LEPROTL1: variants seen among roughly 807,000 people sequenced by gnomAD.
The protein encoded by LEPROTL1 is leptin receptor overlapping transcript like 1.
A neutral mutation model predicts 15.4 loss-of-function variants in LEPROTL1; 6 were observed. That is an observed-to-expected ratio of 0.39 (90% CI 0.21 to 0.77). LEPROTL1 has a LOEUF of 0.77. Among genes scored for constraint, LEPROTL1 ranks in the 30% least tolerant of loss-of-function variants. LEPROTL1 has a pLI of 0.41. For synonymous variants in LEPROTL1, 56 were observed against 52.6 expected (o/e 1.06, Z -0.28); for missense variants, 128 against 158.1 (o/e 0.81, Z 1.02).
In LEPROTL1 at chr8:30,118,074, C is replaced by A. The variant is rs144222241; in HGVS notation, c.279+13588C>A. On this transcript the variant is annotated intron_variant, in intron 3 of 4. Coordinates refer to the LEPROTL1 transcript ENST00000442880. ...GAGTCTCGCTCTGTCTTCCAGGCTGCAGAGCAGTGGCAGAATCTTGGCTCA... is the reference window on the plus strand; with the variant it reads ...GAGTCTCGCTCTGTCTTCCAGGCTGAAGAGCAGTGGCAGAATCTTGGCTCA... Among the ~76,000 whole-genome samples, 11 of 127,638 alleles carry A rather than the reference C, an allele frequency of 8.6e-5. No individual in the cohort carries two copies. In the East Asian group the frequency reaches 2.7e-3, roughly 31 times the overall value. The allele number at this position is 127,638 out of a possible 152,430, so 83.7% of individuals were successfully genotyped here.
At chr8:30,132,955 C>G (rs1439696317) in intron 4 of LEPROTL1, 10 of 1,462,864 alleles carry the variant, frequency 6.8e-6, no homozygotes, top group South Asian at 1.5e-5. Context: ...TATTTATTCT[C>G]TCTCTCTTAT....
chr8:30,099,333 C>A (rs1310851225), intron 1 of LEPROTL1, among the ~76,000 whole-genome samples: 1 of 151,996 alleles, frequency 6.6e-6, no homozygotes, highest in Non-Finnish European at 1.5e-5. Flanking sequence ...GTGGCTCACG[C>A]CTATAATCCC....
chr8:30,131,186 G>T (rs1803003872), intron 3 of LEPROTL1, among the ~76,000 whole-genome samples: 1 of 151,204 alleles, frequency 6.6e-6, no homozygotes. Flanking sequence ...CAAACTCCTG[G>T]GCTCAAGAGA....
At chr8:30,123,918 C>T (rs558184963) in intron 3 of LEPROTL1, among the ~76,000 whole-genome samples, 2 of 151,372 alleles carry the variant, frequency 1.3e-5, no homozygotes, top group East Asian at 1.9e-4. Context: ...TCCACAGAGA[C>T]CTGGGTAAGA....
At chr8:30,114,198 G>A (rs1283870763) in intron 3 of LEPROTL1, among the ~76,000 whole-genome samples, 2 of 152,034 alleles carry the variant, frequency 1.3e-5, no homozygotes, top group African/African-American at 2.4e-5. Context: ...CTGAGACAAT[G>A]AACCCAGAAC....
At position 30,099,599 on chromosome 8, in the gene LEPROTL1, T is replaced by A. The variant is rs1326085710; in HGVS notation, c.17-2299T>A. Among the ~76,000 whole-genome samples the A allele has an allele frequency of 1.1e-3, 119 of 112,454 alleles. 23 individuals carry two copies. In the South Asian group the frequency reaches 0.015, roughly 14 times the overall value. 73.8% of individuals were successfully genotyped at this position (112,454 alleles called of 152,430 possible). A position where few individuals can be genotyped will look rare whatever the true frequency, so the allele number is the denominator to read the frequency against. On this transcript the variant is annotated intron_variant, in intron 1 of 3. Transcript: ENST00000321250. The stretch of plus-strand genomic sequence containing the variant: ...CCTGGCGACAGCGCAAGACTCCATT[T>A]AAAAAAAAAAAAAAAAAAAAAAAAA...
chr8:30,110,547 A>T (rs1802640743), downstream of LEPROTL1, among the ~76,000 whole-genome samples: 1 of 152,098 alleles, frequency 6.6e-6, no homozygotes. Flanking sequence ...CATCCTGGCC[A>T]ACATAGTGAA....
At chr8:30,114,827 T>C (rs1158223282) in intron 3 of LEPROTL1, among the ~76,000 whole-genome samples, 1 of 152,130 alleles carries the variant, frequency 6.6e-6, no homozygotes, top group Non-Finnish European at 1.5e-5. Context: ...ATTGTCCGTC[T>C]TTTAGCAGAC....
At chr8:30,124,958 G>T (rs938460386) in intron 3 of LEPROTL1, among the ~76,000 whole-genome samples, 4 of 152,172 alleles carry the variant, frequency 2.6e-5, no homozygotes, top group African/African-American at 9.7e-5. Context: ...AATTGAGAAT[G>T]CTAGAAAACA....
At position 30,132,112 on chromosome 8, in the gene LEPROTL1, G is replaced by A. The variant is rs1285013671; in HGVS notation, c.280-263G>A. On this transcript the variant is annotated intron_variant, in intron 3 of 4. Coordinates refer to the LEPROTL1 transcript ENST00000442880. ...CAACTGGGTGTGGGCCCAGGTGAGGGTTCTATAGAACAGCCTCATCGGCCA... is the reference window on the plus strand; with the variant it reads ...CAACTGGGTGTGGGCCCAGGTGAGGATTCTATAGAACAGCCTCATCGGCCA... 3.9e-6 allele frequency: 6 copies of A among 1,551,726 alleles called. No homozygotes were observed. The South Asian group carries it at 7.1e-5, about 18-fold the overall frequency.
chr8:30,110,994 A>G (rs1272530058), downstream of LEPROTL1, among the ~76,000 whole-genome samples: 4 of 152,242 alleles, frequency 2.6e-5, no homozygotes, highest in East Asian at 7.7e-4. Flanking sequence ...ACATAAAAGT[A>G]AATGAACTTG....
In LEPROTL1 at chr8:30,124,654, AG is replaced by A. The variant is rs527948562; in HGVS notation, c.280-7720del. 3.6e-3 allele frequency among the ~76,000 whole-genome samples: 542 copies of A among 152,318 alleles called. 1 individual carries two copies. The highest frequency in any genetic ancestry group is 5.2e-3 in the Non-Finnish European group (352 of 68,016). On this transcript the variant is annotated intron_variant, in intron 3 of 4. Coordinates refer to the LEPROTL1 transcript ENST00000442880. ...TTCATTTGAATCAAGATCTAAACAA[AG>A]TCCATATATAGTTCATAAATGTAGT... is the stretch of plus-strand genomic sequence containing the variant.
At position 30,095,423 on chromosome 8, in the gene LEPROTL1, G is replaced by A. The variant is rs1019605776; in HGVS notation, c.-90G>A. On this transcript the variant is annotated 5_prime_UTR_variant, in exon 1 of 4. Coordinates refer to ENST00000321250, the MANE Select transcript of LEPROTL1 (RefSeq NM_015344.3). ...GCTGCGTCGCGCACTTCCGGGTGTT[G>A]TCTGGCCGCCGTAGCGCGTCTTGGG... 237 of 1,352,532 alleles carry A rather than the reference G, an allele frequency of 1.8e-4. No individual in the cohort carries two copies. The African/African-American group carries it at 2.7e-3, about 16-fold the overall frequency. 83.8% of individuals were successfully genotyped at this position (1,352,532 alleles called of 1,614,324 possible).
rs1802572230 is a variant in LEPROTL1 at position 30,106,576 on chromosome 8, A to G, written c.*714A>G. 1 of 982,470 alleles carries G rather than the reference A, an allele frequency of 1.0e-6. No homozygotes were observed. The highest frequency in any genetic ancestry group is 1.8e-5 in the African/African-American group (1 of 55,686). The allele number at this position is 982,470 out of a possible 1,614,324, so 60.9% of individuals were successfully genotyped here. ...AAGAATTTATGTTAAACTTTAAGGT[A>G]AGGGTGTAAAAACATTTTTGAGATA... On this transcript the variant is annotated 3_prime_UTR_variant, in exon 4 of 4. Transcript: ENST00000321250.
chr8:30,103,292 A>C (rs1447854106), intron 2 of LEPROTL1, among the ~76,000 whole-genome samples: 1 of 152,212 alleles, frequency 6.6e-6, no homozygotes, highest in Non-Finnish European at 1.5e-5. Flanking sequence ...CATATTTTAA[A>C]GTTTATGTGG....
intron 3 of LEPROTL1, among the ~76,000 whole-genome samples, chr8:30,124,391 C>A (rs982893935): frequency 2.0e-5 from 3 of 152,180 alleles, no homozygotes; most frequent in Non-Finnish European, 4.4e-5. Flanking sequence ...CCAGTTTCAA[C>A]AATTCTGAAC....
At chr8:30,111,158 G>A (rs1802648559), downstream of LEPROTL1, among the ~76,000 whole-genome samples, 1 of 152,126 alleles carries the variant, frequency 6.6e-6, no homozygotes, top group Admixed American at 6.6e-5. Context: ...TTTTTGTCAG[G>A]GAGGGTCTAA....
intron 3 of LEPROTL1, chr8:30,131,843 T>A (rs142276968): frequency 2.1e-5 from 29 of 1,405,828 alleles, no homozygotes; most frequent in South Asian, 6.2e-5. Context: ...TTAGAAAAAA[T>A]TTTATTATGG....
At chr8:30,131,701 A>G in intron 3 of LEPROTL1, 1 of 412,728 alleles carries the variant, frequency 2.4e-6, no homozygotes, top group South Asian at 2.6e-5. Context: ...TTGCTTCCAC[A>G]TCTAGACTGT....
Sources: gnomAD v4.1 joint callset for allele counts (sites outside exome capture counted in the v4.1 genomes callset) on GRCh38, gnomAD v4.1.1 for gene constraint, MANE v1.5 for transcripts, NCBI Gene and HGNC (gene_info 2026-07-23, HGNC 2026-07-21) for gene names.